The following GULP1 variants were observed in gnomAD, a reference collection of about 807,000 sequenced individuals.
GULP1 encodes GULP PTB domain containing engulfment adaptor 1.
Under a neutral mutation model 40.9 loss-of-function variants are expected in GULP1, and 19 were observed. The ratio of observed to expected loss-of-function variants is 0.46; its 90% CI spans 0.32 to 0.68. The LOEUF (loss-of-function observed/expected upper bound fraction) is 0.68, where lower values mean the gene tolerates loss of function less well. Ranked by LOEUF, GULP1 falls within the 30% of genes least tolerant of loss-of-function variation. The pLI is 0.03. For missense variants in GULP1, 312 were observed against 362.2 expected (o/e 0.86, Z 1.12); for synonymous variants, 119 against 117.6 (o/e 1.01, Z -0.08).
chr2:188,297,672 C>A, intron 1 of GULP1: 1 of 327,282 alleles, frequency 3.1e-6, no homozygotes, highest in Admixed American at 5.0e-5. Flanking sequence ...GAAATAAAGA[C>A]AATCATTTCA....
chr2:188,531,914 G>A (rs746997871), intron 6 of GULP1, among the ~76,000 whole-genome samples: 3 of 152,100 alleles, frequency 2.0e-5, no homozygotes, highest in Non-Finnish European at 1.5e-5. Flanking sequence ...ATGTCCAGCC[G>A]GAATAGGGTA....
chr2:188,321,284 T>A (rs1223106372), intron 1 of GULP1, among the ~76,000 whole-genome samples: 1 of 152,182 alleles, frequency 6.6e-6, no homozygotes, highest in Non-Finnish European at 1.5e-5. Context: ...AATTTCTGAT[T>A]CTGCTTTTAT....
chr2:188,561,583 G>A (rs1696287104), intron 7 of GULP1, among the ~76,000 whole-genome samples: 1 of 152,160 alleles, frequency 6.6e-6, no homozygotes, highest in African/African-American at 2.4e-5. Context: ...CTAAGTCCTG[G>A]GGTCTGTGCT....
intron 1 of GULP1, among the ~76,000 whole-genome samples, chr2:188,382,664 T>A (rs1457458044): frequency 1.3e-5 from 2 of 152,068 alleles, no homozygotes; most frequent in Non-Finnish European, 2.9e-5. Context: ...AGCGGGCAGA[T>A]CACCTGAGGT....
intron 7 of GULP1, among the ~76,000 whole-genome samples, chr2:188,557,472 C>T (rs1400618375): frequency 6.6e-6 from 1 of 152,196 alleles, no homozygotes; most frequent in Non-Finnish European, 1.5e-5. Context: ...TTTAAAGCTC[C>T]AAAAGAATCT....
intron 9 of GULP1, among the ~76,000 whole-genome samples, chr2:188,575,750 T>C (rs954004701): frequency 2.1e-5 from 1 of 48,236 alleles, no homozygotes; most frequent in African/African-American, 4.1e-5. Flanking sequence ...TGGCAAAGGA[T>C]TGGTATTTTT....
chr2:188,368,939 G>A lies in GULP1; in HGVS notation c.-171-14824G>A, dbSNP rs539816962. On this transcript the variant is annotated intron_variant, in intron 1 of 11. Coordinates refer to ENST00000409830, the MANE Select transcript of GULP1 (RefSeq NM_016315.4). ...TATATATATGTATATATATATGTGT[G>A]TATATATATATATATATATATATAT... 2.4e-3 allele frequency among the ~76,000 whole-genome samples: 208 copies of A among 86,070 alleles called. 7 individuals are homozygous for A. The Admixed American group carries it at 0.025, about 10-fold the overall frequency. 56.5% of individuals were successfully genotyped at this position (86,070 alleles called of 152,430 possible). A position where few individuals can be genotyped will look rare whatever the true frequency, so the allele number is the denominator to read the frequency against.
chr2:188,333,706 A>T (rs553882938), intron 1 of GULP1, among the ~76,000 whole-genome samples: 3 of 152,294 alleles, frequency 2.0e-5, no homozygotes, highest in African/African-American at 7.2e-5. Flanking sequence ...TACAATTACT[A>T]GTGTTCTCTT....
At chr2:188,484,681 AG>A (rs1300921498) in intron 4 of GULP1, among the ~76,000 whole-genome samples, 1 of 152,186 alleles carries the variant, frequency 6.6e-6, no homozygotes, top group East Asian at 1.9e-4. Flanking sequence ...GGTGTTTGGT[AG>A]GAAACATCTA....
At chr2:188,361,781 T>A (rs1343453844) in intron 1 of GULP1, among the ~76,000 whole-genome samples, 6 of 152,106 alleles carry the variant, frequency 3.9e-5, no homozygotes, top group Non-Finnish European at 7.4e-5. Flanking sequence ...CTATGATGTA[T>A]ATGGTGACAA....
intron 3 of GULP1, among the ~76,000 whole-genome samples, chr2:188,478,976 A>G (rs991068450): frequency 2.6e-5 from 4 of 152,116 alleles, no homozygotes; most frequent in African/African-American, 9.7e-5. Flanking sequence ...AGCATGACTG[A>G]GAACCATTCA....
intron 1 of GULP1, among the ~76,000 whole-genome samples, chr2:188,361,510 G>A (rs546344915): frequency 1.1e-3 from 166 of 152,130 alleles, no homozygotes; most frequent in African/African-American, 3.8e-3. Flanking sequence ...ATTTTTATGC[G>A]TGGAAATGAT....
At chr2:188,391,797 T>A (rs1285436338) in intron 2 of GULP1, among the ~76,000 whole-genome samples, 3 of 152,106 alleles carry the variant, frequency 2.0e-5, no homozygotes, top group Non-Finnish European at 4.4e-5. Flanking sequence ...ATGCCTAGTT[T>A]TTTGAGGGTT....
In GULP1 at chr2:188,594,260, T is replaced by C; in HGVS notation, c.*249T>C. 3.5e-6 allele frequency: 1 copy of C among 282,392 alleles called. No individual in the cohort carries two copies. The highest frequency in any genetic ancestry group is 6.6e-6 in the Non-Finnish European group (1 of 152,138). The allele number at this position is 282,392 out of a possible 1,614,324, so 17.5% of individuals were successfully genotyped here. A position where few individuals can be genotyped will look rare whatever the true frequency, so the allele number is the denominator to read the frequency against. On this transcript the variant is annotated 3_prime_UTR_variant, in exon 12 of 12. Coordinates refer to ENST00000409830, the MANE Select transcript of GULP1 (RefSeq NM_016315.4). ...GTTTCTACTGTAGATGAATTTGTAA[T>C]TGAAAGACATATTATACAAATACCT...
chr2:188,377,720 A>G (rs2048472519), intron 1 of GULP1, among the ~76,000 whole-genome samples: 1 of 152,236 alleles, frequency 6.6e-6, no homozygotes, highest in Non-Finnish European at 1.5e-5. Context: ...AAATTTATCA[A>G]TAAGAAAAAA....
chr2:188,388,001 G>T (rs1321959159), intron 2 of GULP1, among the ~76,000 whole-genome samples: 2 of 151,754 alleles, frequency 1.3e-5, no homozygotes, highest in Admixed American at 1.3e-4. Flanking sequence ...TTTAGCATTA[G>T]GTATATCTCC....
intron 6 of GULP1, among the ~76,000 whole-genome samples, chr2:188,535,585 C>T (rs558461449): frequency 3.9e-5 from 6 of 152,110 alleles, no homozygotes; most frequent in East Asian, 1.9e-4. Flanking sequence ...TCCAATCTAC[C>T]GTTAATGGGC....
chr2:188,483,373 T>A, intron 3 of GULP1, 58 bp from the exon 4 acceptor site: 1 of 771,152 alleles, frequency 1.3e-6, no homozygotes, highest in Admixed American at 1.9e-5. Flanking sequence ...CAAATGGTAA[T>A]GCGTGAATAT....
chr2:188,377,663 C>T (rs969516005), intron 1 of GULP1, among the ~76,000 whole-genome samples: 1 of 152,024 alleles, frequency 6.6e-6, no homozygotes, highest in African/African-American at 2.4e-5. Context: ...TATCTTCTCC[C>T]CTTAGTTCTT....
Sources: gnomAD v4.1 joint callset for allele counts (sites outside exome capture counted in the v4.1 genomes callset) on GRCh38, gnomAD v4.1.1 for gene constraint, MANE v1.5 for transcripts, NCBI Gene and HGNC (gene_info 2026-07-23, HGNC 2026-07-21) for gene names.